The following CMIP variants were observed in gnomAD, a reference collection of about 807,000 sequenced individuals.
CMIP encodes the protein C-Maf-inducing protein.
In CMIP, 13 loss-of-function variants were observed where a neutral mutation model predicts 97.3. The ratio of observed to expected loss-of-function variants is 0.13; its 90% CI spans 0.09 to 0.21. The LOEUF (loss-of-function observed/expected upper bound fraction) is 0.21. CMIP is among the 10% of genes least tolerant of loss of function. The probability of loss-of-function intolerance (pLI) is 1.00; values close to 1 mark genes in which losing one functional copy is unlikely to be tolerated. For missense variants in CMIP, 847 were observed against 1,024.9 expected (o/e 0.83, Z 2.37); for synonymous variants, 538 against 436.3 (o/e 1.23, Z -2.91).
At chr16:81,611,138 G>C (rs894518867) in intron 2 of CMIP, among the ~76,000 whole-genome samples, 2 of 152,212 alleles carry the variant, frequency 1.3e-5, no homozygotes, top group African/African-American at 2.4e-5. Context: ...CAGTTCCTCA[G>C]TCCCGTTAGC....
At chr16:81,697,518 G>T (rs901968138) in intron 14 of CMIP, 1 of 152,270 alleles carries the variant, frequency 6.6e-6, no homozygotes, top group African/African-American at 2.4e-5. Context: ...TCGCAGCTCT[G>T]CTGGGAGCTA....
rs746641210 is a variant in CMIP at position 81,652,071 on chromosome 16, C to T, written c.478-132C>T. On this transcript the variant is annotated intron_variant, in intron 3 of 20. Coordinates refer to ENST00000537098, the MANE Select transcript of CMIP (RefSeq NM_198390.3). The surrounding 1 kb of genome is among the most constrained non-coding windows in gnomAD (Gnocchi z 5.2). Reference sequence around the variant, plus strand: ...CTCGGGGTGTCAGTTTCCTTATAAACGGGGACTGGGCCAAGTTGTCAGTTT... The same window carrying T: ...CTCGGGGTGTCAGTTTCCTTATAAATGGGGACTGGGCCAAGTTGTCAGTTT... 14 of 672,754 alleles carry T rather than the reference C, an allele frequency of 2.1e-5. No individual in the cohort carries two copies. The highest frequency in any genetic ancestry group is 1.4e-4 in the Admixed American group (5 of 34,952). 41.7% of individuals were successfully genotyped at this position (672,754 alleles called of 1,614,324 possible).
At chr16:81,597,679 G>T (rs72829087) in intron 1 of CMIP, among the ~76,000 whole-genome samples, 3 of 151,520 alleles carry the variant, frequency 2.0e-5, no homozygotes, top group Admixed American at 6.6e-5. Context: ...CACCAACTCC[G>T]TGGGGCTCCA....
At chr16:81,531,619 C>A (rs982773991) in intron 1 of CMIP, among the ~76,000 whole-genome samples, 1 of 152,324 alleles carries the variant, frequency 6.6e-6, no homozygotes, top group Admixed American at 6.5e-5. Flanking sequence ...TGAGGAGGCT[C>A]GGGCCACACC....
chr16:81,584,039 C>T (rs1345429414), intron 1 of CMIP, among the ~76,000 whole-genome samples: 1 of 152,174 alleles, frequency 6.6e-6, no homozygotes, highest in African/African-American at 2.4e-5. Flanking sequence ...GGGCAAGAAG[C>T]AGCTGGCTCT....
At chr16:81,543,444 C>T (rs1244193068) in intron 1 of CMIP, among the ~76,000 whole-genome samples, 3 of 152,154 alleles carry the variant, frequency 2.0e-5, no homozygotes, top group African/African-American at 2.4e-5. Context: ...AGTTCAGGGC[C>T]GCCCAGGGCT....
chr16:81,500,400 T>C (rs1204476401), intron 1 of CMIP, among the ~76,000 whole-genome samples: 15 of 112,462 alleles, frequency 1.3e-4, no homozygotes, highest in Non-Finnish European at 2.7e-4. Context: ...CTTCTCTCTC[T>C]CCTTCTCTCC....
intron 8 of CMIP, among the ~76,000 whole-genome samples, chr16:81,671,248 C>T (rs1042351378): frequency 6.6e-6 from 1 of 152,124 alleles, no homozygotes. Flanking sequence ...TGTGACATGC[C>T]CTCATGCCAG....
At position 81,589,676 on chromosome 16, in the gene CMIP, A is replaced by G. The variant is rs556993132; in HGVS notation, c.301-17891A>G. 8.2e-4 allele frequency among the ~76,000 whole-genome samples: 125 copies of G among 152,326 alleles called. 1 individual carries two copies. The highest frequency in any genetic ancestry group is 1.3e-3 in the Non-Finnish European group (88 of 68,036). The stretch of plus-strand genomic sequence containing the variant: ...GGTCTGTGTCCATAGATGCATAACC[A>G]TCGATTCAGCGCAATGTAGTATTTT... On this transcript the variant is annotated intron_variant, in intron 1 of 20. Coordinates refer to ENST00000537098, the MANE Select transcript of CMIP (RefSeq NM_198390.3).
At chr16:81,675,817 T>C (rs1389623076) in intron 9 of CMIP, among the ~76,000 whole-genome samples, 1 of 152,180 alleles carries the variant, frequency 6.6e-6, no homozygotes, top group East Asian at 1.9e-4. Context: ...CCTGGGACTC[T>C]CTAGGGTTGG....
chr16:81,474,799 G>A (rs1276341411), intron 1 of CMIP, among the ~76,000 whole-genome samples: 1 of 151,418 alleles, frequency 6.6e-6, no homozygotes, highest in Non-Finnish European at 1.5e-5. Context: ...AGGGGAGCCA[G>A]CCCAGGACAG....
chr16:81,537,273 A>G (rs1474936412), intron 1 of CMIP, among the ~76,000 whole-genome samples: 6 of 151,640 alleles, frequency 4.0e-5, no homozygotes. Flanking sequence ...GGTGGCTCAC[A>G]CCTGTAATGC....
intron 1 of CMIP, among the ~76,000 whole-genome samples, chr16:81,493,109 C>T (rs975110835): frequency 9.9e-5 from 15 of 152,204 alleles, no homozygotes; most frequent in Admixed American, 8.5e-4. Flanking sequence ...CTGGGAGACC[C>T]GAGTTCCTGC....
At position 81,678,258 on chromosome 16, in the gene CMIP, C is replaced by G. The variant is rs75459686; in HGVS notation, c.1035-17C>G. 1.3e-6 allele frequency: 2 copies of G among 1,561,838 alleles called. No individual in the cohort carries two copies. The highest frequency in any genetic ancestry group is 1.7e-6 in the Non-Finnish European group (2 of 1,156,722). ...CGGTGCCTGTACTCATGTGCCCTCT[C>G]CCGCCTCTTCCCCCAGCCGCGACAA... On this transcript the variant is annotated splice_polypyrimidine_tract_variant and intron_variant, in intron 9 of 20. Coordinates refer to ENST00000537098, the MANE Select transcript of CMIP (RefSeq NM_198390.3).
intron 9 of CMIP, among the ~76,000 whole-genome samples, chr16:81,675,439 A>G (rs1385883276): frequency 1.3e-5 from 2 of 149,384 alleles, no homozygotes; most frequent in East Asian, 2.0e-4. Context: ...GGCTGGTCTC[A>G]AACTCCTGGC....
intron 1 of CMIP, among the ~76,000 whole-genome samples, chr16:81,574,224 G>C (rs2091148807): frequency 1.3e-5 from 2 of 152,240 alleles, no homozygotes; most frequent in African/African-American, 4.8e-5. Context: ...GAGCCCACCT[G>C]CCCTACTTCC....
intron 1 of CMIP, among the ~76,000 whole-genome samples, chr16:81,557,867 T>C (rs770824770): frequency 2.0e-5 from 3 of 152,240 alleles, no homozygotes; most frequent in African/African-American, 7.2e-5. Context: ...ATTCCCATTG[T>C]GCAACCATCA....
intron 1 of CMIP, among the ~76,000 whole-genome samples, chr16:81,525,825 A>C (rs902399514): frequency 1.3e-5 from 2 of 152,162 alleles, no homozygotes; most frequent in African/African-American, 4.8e-5. Flanking sequence ...GTGTGTATGC[A>C]TTTGACTCCT....
intron 1 of CMIP, among the ~76,000 whole-genome samples, chr16:81,605,691 C>T (rs1006773182): frequency 6.6e-6 from 1 of 152,248 alleles, no homozygotes; most frequent in Non-Finnish European, 1.5e-5. Context: ...GTCTGTGACA[C>T]TCTTTACTCC....
Sources: gnomAD v4.1 joint callset for allele counts (sites outside exome capture counted in the v4.1 genomes callset) on GRCh38, gnomAD v4.1.1 for gene constraint, Gnocchi (gnomAD v3.1) non-coding constraint, MANE v1.5 for transcripts, NCBI Gene and HGNC (gene_info 2026-07-23, HGNC 2026-07-21) for gene names.